Variants in INPP5A observed in about 807,000 individuals in gnomAD.
INPP5A encodes the protein 43 kDa inositol polyphosphate 5-phophatase.
A neutral mutation model predicts 65.2 loss-of-function variants in INPP5A; 14 were observed. The ratio of observed to expected loss-of-function variants is 0.21; its 90% CI spans 0.14 to 0.34. The LOEUF (loss-of-function observed/expected upper bound fraction) is 0.34, where lower values mean the gene tolerates loss of function less well. Among genes scored for constraint, INPP5A ranks in the 10% least tolerant of loss-of-function variants. The probability of loss-of-function intolerance (pLI) is 1.00; values close to 1 mark genes in which losing one functional copy is unlikely to be tolerated. For synonymous variants in INPP5A, 207 were observed against 208.3 expected, an observed-to-expected ratio of 0.99 and a Z score of 0.05; for missense variants, 431 against 545.6, an observed-to-expected ratio of 0.79 and a Z score of 2.09.
chr10:132,690,378 T>G lies in INPP5A; in HGVS notation c.307-14T>G. 6.4e-7 allele frequency: 1 copy of G among 1,558,708 alleles called. No individual in the cohort carries two copies. The highest frequency in any genetic ancestry group is 8.8e-7 in the Non-Finnish European group (1 of 1,131,538). On this transcript the variant is annotated splice_polypyrimidine_tract_variant and intron_variant, in intron 4 of 15. Transcript: ENST00000368594. The stretch of plus-strand genomic sequence containing the variant: ...GCACCAGTCTCTCATTTGATTTCTC[T>G]TTTTGCTCTACAGGCACTAGGAAGC...
chr10:132,752,132 G>A (rs1371577752), intron 11 of INPP5A, among the ~76,000 whole-genome samples: 1 of 150,868 alleles, frequency 6.6e-6, no homozygotes, highest in East Asian at 2.0e-4. Flanking sequence ...GCGTCTGGGT[G>A]GAGGCAGGTG....
intron 12 of INPP5A, among the ~76,000 whole-genome samples, chr10:132,775,288 G>C (rs1022156696): frequency 1.3e-5 from 2 of 151,858 alleles, no homozygotes; most frequent in Non-Finnish European, 2.9e-5. Context: ...TATCACAGCC[G>C]CTCCCACGCT....
Position 132,686,570 on chromosome 10 carries a change from G to A in INPP5A, c.307-3822G>A, listed in dbSNP as rs542399819. On this transcript the variant is annotated intron_variant, in intron 4 of 15. Coordinates refer to ENST00000368594, the MANE Select transcript of INPP5A (RefSeq NM_005539.5). ...GTATTGATGGGACAGGGTAAACACC[G>A]AAAAAGTTGGGTCGAACTTTGACTT... Among the ~76,000 whole-genome samples the A allele has an allele frequency of 5.9e-5, 9 of 152,278 alleles. No homozygotes were observed. The East Asian group carries it at 7.7e-4, about 13-fold the overall frequency.
intron 1 of INPP5A, among the ~76,000 whole-genome samples, chr10:132,590,420 A>G (rs2071605276): frequency 6.6e-6 from 1 of 152,128 alleles, no homozygotes; most frequent in East Asian, 1.9e-4. Context: ...GTCTGCCGGC[A>G]GGGAGGCTGG....
rs1399680658 is a variant in INPP5A at position 132,650,644 on chromosome 10, C to T, written c.306+139C>T. 7 of 658,842 alleles carry T rather than the reference C, an allele frequency of 1.1e-5. No homozygotes were observed. The highest frequency in any genetic ancestry group is 1.7e-5 in the South Asian group (1 of 59,716). 40.8% of individuals were successfully genotyped at this position (658,842 alleles called of 1,614,324 possible). ...CTCACGCTGCCCTGCCTGGCACTCC[C>T]GCAGCCTGCTTGGTGGTCTGCTCGT... On this transcript the variant is annotated intron_variant, in intron 4 of 15. Transcript: ENST00000368594. This position sits in a 1 kb window ranked among gnomAD's most constrained non-coding sequence, Gnocchi z 5.5.
In INPP5A at chr10:132,550,452, C is replaced by G. The variant is rs2071035604; in HGVS notation, c.75+12281C>G. ...TGCCACCTGTGACACTGCTGTCACT[C>G]CAAGGTGCACCTCACCACACCTGGA... On this transcript the variant is annotated intron_variant, in intron 1 of 15. Transcript: ENST00000368594. This position sits in a 1 kb window ranked among gnomAD's most constrained non-coding sequence, Gnocchi z 4.2. Among the ~76,000 whole-genome samples, 1 of 152,202 alleles carries G rather than the reference C, an allele frequency of 6.6e-6. No individual in the cohort carries two copies. Among genetic ancestry groups the G allele is most frequent in the Non-Finnish European group, 1.5e-5 (1 of 68,022 alleles).
At chr10:132,717,010 C>CCCAA (rs1045287404) in intron 8 of INPP5A, among the ~76,000 whole-genome samples, 5 of 152,188 alleles carry the variant, frequency 3.3e-5, no homozygotes, top group African/African-American at 1.2e-4. Flanking sequence ...TGCCCCCAGC[C>CCCAA]CCAAGGCTGA....
chr10:132,620,337 A>G (rs1424785062), intron 2 of INPP5A, among the ~76,000 whole-genome samples: 1 of 152,180 alleles, frequency 6.6e-6, no homozygotes, highest in African/African-American at 2.4e-5. Flanking sequence ...CTATGTGGCC[A>G]GGCTGCAAAG....
At chr10:132,664,718 C>T (rs1483182141) in intron 4 of INPP5A, among the ~76,000 whole-genome samples, 1 of 152,210 alleles carries the variant, frequency 6.6e-6, no homozygotes, top group Admixed American at 6.5e-5. Context: ...TTCATGAGTG[C>T]ACCTTGCCAT....
chr10:132,601,186 G>A (rs769516517), intron 1 of INPP5A, among the ~76,000 whole-genome samples: 13 of 152,036 alleles, frequency 8.6e-5, no homozygotes, highest in Non-Finnish European at 1.6e-4. Flanking sequence ...AATATCCATC[G>A]TATCCATCCT....
At position 132,779,947 on chromosome 10, in the gene INPP5A, T is replaced by C. The variant is rs567164336; in HGVS notation, c.1090-902T>C. On this transcript the variant is annotated intron_variant, in intron 13 of 15. Coordinates refer to ENST00000368594, the MANE Select transcript of INPP5A (RefSeq NM_005539.5). ...GTTTATCTGTCCAAAGATTATGCAG[T>C]TGAAAATCCACAATTTTATGCTGCC... Among the ~76,000 whole-genome samples, 5 of 152,374 alleles carry C rather than the reference T, an allele frequency of 3.3e-5. No homozygotes were observed. In the South Asian group the frequency reaches 1.0e-3, roughly 32 times the overall value.
At chr10:132,680,776 A>G (rs1457443789) in intron 4 of INPP5A, among the ~76,000 whole-genome samples, 1 of 152,242 alleles carries the variant, frequency 6.6e-6, no homozygotes, top group African/African-American at 2.4e-5. Flanking sequence ...GCCCTGTGCA[A>G]TGAGGGGCTT....
intron 13 of INPP5A, among the ~76,000 whole-genome samples, chr10:132,779,881 C>T (rs1029388358): frequency 1.3e-5 from 2 of 152,202 alleles, no homozygotes; most frequent in Admixed American, 1.3e-4. Context: ...GACAAGTGTT[C>T]AGTGAGGTGT....
chr10:132,758,704 C>T (rs1025491869), intron 11 of INPP5A, among the ~76,000 whole-genome samples: 2 of 152,198 alleles, frequency 1.3e-5, no homozygotes, highest in African/African-American at 4.8e-5. Flanking sequence ...CATGGACTGT[C>T]TTATCTATGG....
At chr10:132,703,471 A>G (rs1204037386) in intron 6 of INPP5A, among the ~76,000 whole-genome samples, 19 of 121,644 alleles carry the variant, frequency 1.6e-4, no homozygotes, top group African/African-American at 6.1e-4. Context: ...ACCCACAGAC[A>G]CACGTGGCTT....
intron 1 of INPP5A, among the ~76,000 whole-genome samples, chr10:132,579,161 C>T (rs1016148735): frequency 1.3e-5 from 2 of 151,176 alleles, no homozygotes; most frequent in Non-Finnish European, 2.9e-5. Flanking sequence ...AGAGCCGCGC[C>T]GGTTGCGGGC....
chr10:132,717,107 T>C (rs1845753509), intron 8 of INPP5A, among the ~76,000 whole-genome samples: 1 of 152,174 alleles, frequency 6.6e-6, no homozygotes, highest in Non-Finnish European at 1.5e-5. Context: ...GTTTGAGATC[T>C]GAGTTCTGGT....
intron 2 of INPP5A, among the ~76,000 whole-genome samples, chr10:132,642,144 G>A (rs951850586): frequency 5.9e-5 from 9 of 151,580 alleles, no homozygotes; most frequent in South Asian, 2.1e-4. Flanking sequence ...GCTCGTCTGC[G>A]GTCTGGGGAC....
intron 1 of INPP5A, among the ~76,000 whole-genome samples, chr10:132,573,511 T>C (rs1417108119): frequency 2.3e-5 from 3 of 132,536 alleles, no homozygotes; most frequent in Non-Finnish European, 4.7e-5. Flanking sequence ...GATGTTGGGG[T>C]GTGTGTGCTG....
Sources: gnomAD v4.1 joint callset for allele counts (sites outside exome capture counted in the v4.1 genomes callset) on GRCh38, gnomAD v4.1.1 for gene constraint, Gnocchi (gnomAD v3.1) non-coding constraint, MANE v1.5 for transcripts, NCBI Gene and HGNC (gene_info 2026-07-23, HGNC 2026-07-21) for gene names.